The following URB1 variants were observed in gnomAD, a reference collection of about 807,000 sequenced individuals.
URB1 encodes the protein URB1 ribosome biogenesis factor.
Under a neutral mutation model 242.3 loss-of-function variants are expected in URB1, and 197 were observed. The observed-to-expected ratio is 0.81, with a 90% CI of 0.72 to 0.91. The LOEUF is 0.91. Ranked by LOEUF, URB1 falls within the 40% of genes least tolerant of loss-of-function variation. The probability of loss-of-function intolerance (pLI) is 0.00; values close to 1 mark genes in which losing one functional copy is unlikely to be tolerated. For synonymous variants in URB1, 1,153 were observed against 1,201.8 expected (o/e 0.96, Z 0.84); for missense variants, 2,721 against 2,860.5 (o/e 0.95, Z 1.11).
rs1017516033 is a variant in URB1 at position 32,366,559 on chromosome 21, T to C, written c.1335+59A>G. ...GCCAGTTCTCAGAATAATCACATCA[T>C]GTAGCCAGCGAGTTTAGCTGGAGGC... On this transcript the variant is annotated intron_variant, in intron 10 of 38. Coordinates refer to ENST00000382751, the MANE Select transcript of URB1 (RefSeq NM_014825.3). 9.1e-6 allele frequency: 14 copies of C among 1,544,826 alleles called. No homozygotes were observed. In the African/African-American group the frequency reaches 1.2e-4, roughly 14 times the overall value.
At chr21:32,372,793 A>C (rs1163748387) in intron 7 of URB1, among the ~76,000 whole-genome samples, 162 bp from the exon 8 acceptor site, 2 of 152,252 alleles carry the variant, frequency 1.3e-5, no homozygotes, top group Non-Finnish European at 2.9e-5. Flanking sequence ...CAACAAAAAG[A>C]TACACCGATC....
At chr21:32,315,222 A>G (rs1320433713) in intron 38 of URB1, 123 bp from the exon 39 acceptor site, 4 of 964,594 alleles carry the variant, frequency 4.1e-6, no homozygotes, top group East Asian at 3.0e-5. Flanking sequence ...AGGCCTGGGC[A>G]ACCCAAGGTG....
chr21:32,325,625 C>A (rs912684414), intron 30 of URB1, among the ~76,000 whole-genome samples: 1 of 152,164 alleles, frequency 6.6e-6, no homozygotes, highest in African/African-American at 2.4e-5. Flanking sequence ...TACATCCCAA[C>A]CAGGATAATT....
intron 36 of URB1, among the ~76,000 whole-genome samples, chr21:32,318,267 C>T (rs1057224379): frequency 6.6e-6 from 1 of 152,164 alleles, no homozygotes; most frequent in Non-Finnish European, 1.5e-5. Context: ...CCTTGCCTCA[C>T]AGACCACCAG....
At chr21:32,324,734 G>A (rs1234469693) in intron 31 of URB1, 132 bp from the exon 32 acceptor site, 8 of 650,456 alleles carry the variant, frequency 1.2e-5, no homozygotes, top group East Asian at 2.8e-5. Flanking sequence ...CACTGAAGAC[G>A]AAGCTCACAG....
chr21:32,341,346 CG>C (rs1356271129), intron 25 of URB1, 119 bp downstream of exon 25: 4 of 967,350 alleles, frequency 4.1e-6, no homozygotes, highest in African/African-American at 3.3e-5. Context: ...TCTCTAAAAA[CG>C]AGGTGACATC....
chr21:32,373,595 T>C (rs1010348162), intron 7 of URB1, 52 bp downstream of exon 7: 111 of 1,510,744 alleles, frequency 7.3e-5, no homozygotes, highest in Non-Finnish European at 8.8e-5. Flanking sequence ...CTCCCAACCC[T>C]GAGGATCAAA....
At chr21:32,320,683 C>A in intron 34 of URB1, 43 bp from the exon 35 acceptor site, 1 of 1,378,938 alleles carries the variant, frequency 7.3e-7, no homozygotes, top group Non-Finnish European at 1.0e-6. Flanking sequence ...TGAGAAAACC[C>A]ACTTTACTTG....
chr21:32,328,810 G>A (rs2032860546), intron 30 of URB1, among the ~76,000 whole-genome samples: 1 of 152,190 alleles, frequency 6.6e-6, no homozygotes, highest in Admixed American at 6.5e-5. Flanking sequence ...TTATGGAAAA[G>A]AGCCGCCCTC....
intron 21 of URB1, among the ~76,000 whole-genome samples, chr21:32,348,349 T>TCC (rs1275763625): frequency 2.0e-5 from 3 of 152,096 alleles, no homozygotes; most frequent in African/African-American, 4.8e-5. Flanking sequence ...TGGGTTGGGA[T>TCC]TAAACCACCG....
intron 8 of URB1, among the ~76,000 whole-genome samples, chr21:32,370,040 G>T (rs1465999128): frequency 6.6e-6 from 1 of 151,232 alleles, no homozygotes; most frequent in Non-Finnish European, 1.5e-5. Flanking sequence ...TTGCATAAAG[G>T]GAGTAAAATC....
intron 4 of URB1, among the ~76,000 whole-genome samples, chr21:32,382,711 A>T (rs1363679661): frequency 1.3e-5 from 2 of 152,182 alleles, no homozygotes. Flanking sequence ...GGGAGCTGAT[A>T]TGGCAACCAG....
intron 4 of URB1, among the ~76,000 whole-genome samples, chr21:32,382,123 C>T (rs1007161476): frequency 6.6e-6 from 1 of 152,130 alleles, no homozygotes; most frequent in African/African-American, 2.4e-5. Flanking sequence ...AGCCCTTTCC[C>T]ACGCTGTCTG....
rs1171025650 is a variant in URB1 at position 32,325,438 on chromosome 21, A to T, written c.4961-49T>A. 2.6e-6 allele frequency: 4 copies of T among 1,512,084 alleles called. No individual in the cohort carries two copies. The Admixed American group carries it at 6.1e-5, about 23-fold the overall frequency. 93.7% of individuals were successfully genotyped at this position (1,512,084 alleles called of 1,614,324 possible). On this transcript the variant is annotated intron_variant, in intron 30 of 38. Transcript: ENST00000382751. ...GAAACACACACAATATGATTTTATT[A>T]TTCTTGTTAACCTGGAGAATTAAAT...
At position 32,316,685 on chromosome 21, in the gene URB1, G is replaced by A; in HGVS notation, c.6415C>T (p.Leu2139Phe). 2 of 1,551,428 alleles carry A rather than the reference G, an allele frequency of 1.3e-6. No individual in the cohort carries two copies. The highest frequency in any genetic ancestry group is 1.7e-6 in the Non-Finnish European group (2 of 1,146,868). Residue 2139 changes from leucine (L) to phenylalanine (F), a missense_variant, in exon 38 of 39, where the codon CTC becomes TTC. Leu to Phe is a conservative substitution (Grantham distance 22, BLOSUM62 0). Transcript: ENST00000382751. Reference sequence around the variant, plus strand: ...CTCCTCACGGCACTGTCCTTAAGGAGGTCAGCCACGACCACAGGGTGTGGC... The same window carrying A: ...CTCCTCACGGCACTGTCCTTAAGGAAGTCAGCCACGACCACAGGGTGTGGC... The part of the protein sequence containing the change: ...ILPHPVVVAD[L>F]LKDSAVRSSI...
At position 32,338,812 on chromosome 21, in the gene URB1, G is replaced by A; in HGVS notation, c.4405C>T (p.Leu1469Phe). 6.4e-6 allele frequency: 10 copies of A among 1,551,780 alleles called. No homozygotes were observed. The highest frequency in any genetic ancestry group is 8.7e-6 in the Non-Finnish European group (10 of 1,147,014). ...YSPESSVRTK[L>F]IQLPVVYVML... Reference sequence around the variant, plus strand: ...ACGTAGACCACCGGGAGCTGGATGAGCTTCGTGCGCACGGAGCTTTCTGGG... The same window carrying A: ...ACGTAGACCACCGGGAGCTGGATGAACTTCGTGCGCACGGAGCTTTCTGGG... Residue 1469 changes from leucine to phenylalanine, a missense_variant, in exon 26 of 39, where the codon CTC (leucine) becomes TTC (phenylalanine). Physicochemically the swap from Leu to Phe is conservative, Grantham distance 22 (BLOSUM62 0). Transcript: ENST00000382751.
In URB1 at chr21:32,311,423, C is replaced by CCCCCCCCAAAA; in HGVS notation, c.*3494_*3495insTTTTGGGGGGG. On this transcript the variant is annotated 3_prime_UTR_variant, in exon 39 of 39. Transcript: ENST00000382751. ...GCTCCCCTCCACCCCCCACCCCCCC[C>CCCCCCCCAAAA]ATCCTAAATCAATGTAGGAAGAAGT... is the stretch of plus-strand genomic sequence containing the variant. 1 of 292,250 alleles carries CCCCCCCCAAAA rather than the reference C, an allele frequency of 3.4e-6. No individual in the cohort carries two copies. The highest frequency in any genetic ancestry group is 6.3e-6 in the Non-Finnish European group (1 of 157,622). 18.1% of individuals were successfully genotyped at this position (292,250 alleles called of 1,614,324 possible).
intron 30 of URB1, 92 bp downstream of exon 30, chr21:32,333,225 A>G: frequency 9.9e-7 from 1 of 1,005,920 alleles, no homozygotes; most frequent in South Asian, 1.4e-5. Context: ...TCAGGTCCTC[A>G]TGTGGTAATT....
At chr21:32,379,788 G>A (rs529377586) in intron 4 of URB1, among the ~76,000 whole-genome samples, 5 of 152,104 alleles carry the variant, frequency 3.3e-5, no homozygotes, top group Admixed American at 2.0e-4. Flanking sequence ...TTAGGAGTTC[G>A]AAACCAACCC....
Sources: allele counts gnomAD v4.1 joint callset (sites outside exome capture counted in the v4.1 genomes callset), GRCh38; gene constraint gnomAD v4.1.1; transcripts MANE v1.5; gene names NCBI Gene and HGNC (gene_info 2026-07-23, HGNC 2026-07-21).